Variants in EVA1C observed in about 807,000 individuals in gnomAD.
EVA1C encodes eva-1 homolog C.
In EVA1C, 25 loss-of-function variants were observed where a neutral mutation model predicts 45.4. That is an observed-to-expected ratio of 0.55 (90% confidence interval 0.40 to 0.77). EVA1C has a LOEUF of 0.77. EVA1C is among the 30% of genes least tolerant of loss of function. The pLI, the probability that EVA1C is intolerant of heterozygous loss-of-function variation, is 0.00. For missense variants in EVA1C, 479 were observed against 554.8 expected (o/e 0.86, Z 1.37); for synonymous variants, 190 against 221.2 (o/e 0.86, Z 1.25).
At chr21:32,494,931 C>A in intron 4 of EVA1C, 96 bp from the exon 5 acceptor site, 3 of 1,287,480 alleles carry the variant, frequency 2.3e-6, no homozygotes, top group South Asian at 1.4e-5. Flanking sequence ...TGATTTGAAT[C>A]CAGCTCAGCA....
At position 32,501,532 on chromosome 21, in the gene EVA1C, A is replaced by G. The variant is rs1487658055; in HGVS notation, c.859+37A>G. The stretch of plus-strand genomic sequence containing the variant: ...GGCTTACTACCAGCATTTCTCTTTA[A>G]GTAAAGGTAAACAGCCCCTGGGTGA... On this transcript the variant is annotated intron_variant, in intron 6 of 7. Transcript: ENST00000300255. 2.5e-6 allele frequency: 4 copies of G among 1,591,346 alleles called. 1 individual carries two copies. The South Asian group carries it at 4.5e-5, about 18-fold the overall frequency.
At chr21:32,503,675 C>T (rs2037631355) in intron 6 of EVA1C, among the ~76,000 whole-genome samples, 2 of 152,138 alleles carry the variant, frequency 1.3e-5, no homozygotes, top group South Asian at 2.1e-4. Context: ...AGACCAGCAC[C>T]TGAAGTTGGA....
chr21:32,463,888 A>T (rs192363067), intron 3 of EVA1C, among the ~76,000 whole-genome samples: 1 of 152,142 alleles, frequency 6.6e-6, no homozygotes, highest in African/African-American at 2.4e-5. Flanking sequence ...CAGCTCTGCC[A>T]TGGGAAGGCA....
intron 1 of EVA1C, among the ~76,000 whole-genome samples, chr21:32,425,336 A>AAAAG: frequency 7.3e-6 from 1 of 136,462 alleles, no homozygotes. Context: ...CTCCATCTCA[A>AAAAG]AAAAAAAAAA....
At chr21:32,498,373 G>C (rs1486255024) in intron 5 of EVA1C, among the ~76,000 whole-genome samples, 1 of 151,922 alleles carries the variant, frequency 6.6e-6, no homozygotes, top group Non-Finnish European at 1.5e-5. Context: ...CTTGAACCTG[G>C]GAGGCGGAGT....
In EVA1C at chr21:32,515,342, C is replaced by T. The variant is rs2038104277; in HGVS notation, c.*152C>T. On this transcript the variant is annotated 3_prime_UTR_variant, in exon 8 of 8. Transcript: ENST00000300255. ...CCAGGAAGCTATTAAAGGGATGTTT[C>T]AAGCTGTTTCTAGCACATTCCAAAA... 2.7e-6 allele frequency: 2 copies of T among 743,964 alleles called. No individual in the cohort carries two copies. The highest frequency in any genetic ancestry group is 5.1e-5 in the South Asian group (2 of 39,288). The allele number at this position is 743,964 out of a possible 1,614,324, so 46.1% of individuals were successfully genotyped here.
upstream of EVA1C, chr21:32,412,697 C>G (rs920382303): frequency 1.5e-5 from 10 of 674,284 alleles, no homozygotes; most frequent in Non-Finnish European, 2.2e-5. Flanking sequence ...TGGGCTGGCC[C>G]GCGCAGGGGA....
At chr21:32,436,302 T>C (rs2034949438) in intron 1 of EVA1C, among the ~76,000 whole-genome samples, 1 of 152,152 alleles carries the variant, frequency 6.6e-6, no homozygotes, top group African/African-American at 2.4e-5. Flanking sequence ...CACCTTGTGA[T>C]CCACCCGCCT....
chr21:32,455,749 G>A (rs745364752), intron 2 of EVA1C, among the ~76,000 whole-genome samples: 1 of 152,194 alleles, frequency 6.6e-6, no homozygotes, highest in Non-Finnish European at 1.5e-5. Flanking sequence ...ATACCCCTGA[G>A]GGAAGAGGAT....
At chr21:32,485,282 GC>G (rs1762398897) in intron 4 of EVA1C, among the ~76,000 whole-genome samples, 1 of 152,040 alleles carries the variant, frequency 6.6e-6, no homozygotes, top group Non-Finnish European at 1.5e-5. Context: ...CCAGGTTCAA[GC>G]GACTCTCCAG....
chr21:32,455,111 C>G (rs1445735727), intron 2 of EVA1C, among the ~76,000 whole-genome samples: 5 of 152,090 alleles, frequency 3.3e-5, no homozygotes, highest in African/African-American at 1.2e-4. Context: ...TTCTGAAGGT[C>G]AGGAAGTCCA....
Position 32,413,088 on chromosome 21 carries a change from G to C in EVA1C, c.160+75G>C. The C allele has an allele frequency of 3.3e-6, 4 of 1,209,452 alleles. No individual in the cohort carries two copies. The South Asian group carries it at 9.7e-5, about 29-fold the overall frequency. 74.9% of individuals were successfully genotyped at this position (1,209,452 alleles called of 1,614,324 possible). The stretch of plus-strand genomic sequence containing the variant: ...GGTGAACCCTCGACTGGGGGCAGCC[G>C]CACCAGTGGACACGGCGGGGTAGGA... On this transcript the variant is annotated intron_variant, in intron 1 of 7. Transcript: ENST00000300255.
intron 4 of EVA1C, 54 bp downstream of exon 4, chr21:32,467,902 T>G: frequency 9.1e-7 from 1 of 1,104,244 alleles, no homozygotes; most frequent in Non-Finnish European, 1.2e-6. Context: ...ACAGAATTAA[T>G]AGAATATATA....
intron 6 of EVA1C, among the ~76,000 whole-genome samples, chr21:32,502,040 C>CTTTCTTTCTTTCTTTCTTTCT (rs1555875244): frequency 2.0e-5 from 2 of 101,640 alleles, no homozygotes; most frequent in African/African-American, 7.7e-5. Context: ...TTCTTTCTTT[C>CTTTCTTTCTTTCTTTCTTTCT]TTTCTTTCTT....
chr21:32,431,193 C>G (rs1296446140), intron 1 of EVA1C, among the ~76,000 whole-genome samples: 1 of 152,184 alleles, frequency 6.6e-6, no homozygotes. Flanking sequence ...TGAGGCACTT[C>G]CTGGTTAACC....
rs1377636359 is a variant in EVA1C at position 32,412,866 on chromosome 21, G to T, written c.13G>T (p.Gly5Ter). The change falls in exon 1 of 8, where the codon GGA (glycine) becomes TGA (stop). Residue 5 changes from glycine to a stop codon, truncating the protein, a stop_gained. Coordinates refer to ENST00000300255, the MANE Select transcript of EVA1C (RefSeq NM_058187.5). LOFTEE classifies it high-confidence loss of function. MLLP[G>*]RARQPPTPQP... is the part of the protein sequence containing the mutation. ...CGCGCAGCGCACGATGCTTCTGCCGGGACGCGCACGCCAACCGCCGACGCC... is the reference window on the plus strand; with the variant it reads ...CGCGCAGCGCACGATGCTTCTGCCGTGACGCGCACGCCAACCGCCGACGCC... The T allele has an allele frequency of 1.3e-6, 2 of 1,493,876 alleles. No individual in the cohort carries two copies. The highest frequency in any genetic ancestry group is 2.8e-5 in the East Asian group (1 of 35,602). The allele number at this position is 1,493,876 out of a possible 1,614,324, so 92.5% of individuals were successfully genotyped here. A position where few individuals can be genotyped will look rare whatever the true frequency, so the allele number is the denominator to read the frequency against.
At chr21:32,418,092 A>G (rs1189625395) in intron 1 of EVA1C, among the ~76,000 whole-genome samples, 2 of 152,104 alleles carry the variant, frequency 1.3e-5, no homozygotes, top group Admixed American at 1.3e-4. Flanking sequence ...GCATATCAGC[A>G]CCTCGCAACA....
At chr21:32,418,104 A>G (rs2034122645) in intron 1 of EVA1C, among the ~76,000 whole-genome samples, 1 of 152,156 alleles carries the variant, frequency 6.6e-6, no homozygotes, top group South Asian at 2.1e-4. Flanking sequence ...CTCGCAACAC[A>G]GACACCTGTG....
chr21:32,504,072 A>G, intron 7 of EVA1C, 57 bp downstream of exon 7: 16 of 1,241,452 alleles, frequency 1.3e-5, no homozygotes, highest in Non-Finnish European at 1.9e-5. Flanking sequence ...AAGTCTTGTT[A>G]ATAAATGTGC....
Sources: gnomAD v4.1 joint callset for allele counts (sites outside exome capture counted in the v4.1 genomes callset) on GRCh38, gnomAD v4.1.1 for gene constraint, MANE v1.5 for transcripts, NCBI Gene and HGNC (gene_info 2026-07-23, HGNC 2026-07-21) for gene names.